IL4R: variants seen among roughly 807,000 people sequenced by gnomAD.
IL4R encodes the protein interleukin-4 receptor subunit alpha.
In IL4R, 17 loss-of-function variants were observed where a neutral mutation model predicts 41.5. The observed-to-expected ratio is 0.41, with a 90% confidence interval of 0.28 to 0.61. The LOEUF is 0.61. IL4R is among the 20% of genes least tolerant of loss of function. The pLI is 0.31. For synonymous variants in IL4R, 402 were observed against 422.9 expected (o/e 0.95, Z 0.61); for missense variants, 974 against 1,043.1 (o/e 0.93, Z 0.91).
chr16:27,318,661 T>G (rs1170172406), intron 1 of IL4R: 1 of 152,252 alleles, frequency 6.6e-6, no homozygotes, highest in Non-Finnish European at 1.5e-5. Context: ...CCTCACCTCT[T>G]CTCGTTTGCT....
At chr16:27,360,171 C>G (rs777570942) in intron 9 of IL4R, among the ~76,000 whole-genome samples, 65 of 152,212 alleles carry the variant, frequency 4.3e-4, no homozygotes, top group Non-Finnish European at 8.1e-4. Context: ...TGTGCCACCA[C>G]GCCAGGCTAA....
intron 1 of IL4R, among the ~76,000 whole-genome samples, chr16:27,319,857 T>A (rs766533955): frequency 6.6e-6 from 1 of 152,054 alleles, no homozygotes; most frequent in Non-Finnish European, 1.5e-5. Flanking sequence ...ATGTGAGGGA[T>A]CTGGGTTGCG....
rs1048483997 is a variant in IL4R at position 27,362,791 on chromosome 16, A to G, written c.1439A>G (p.Asp480Gly). The G allele has an allele frequency of 3.7e-6, 6 of 1,614,030 alleles. No homozygotes were observed. Among genetic ancestry groups the G allele is most frequent in the Non-Finnish European group, 5.1e-6 (6 of 1,180,022 alleles). The change falls in exon 11 of 11, where the codon GAC (aspartate) becomes GGC (glycine). Residue 480 changes from aspartate to glycine, a missense_variant. Asp to Gly is a moderately conservative substitution (Grantham distance 94, BLOSUM62 -1). Coordinates refer to ENST00000395762, the MANE Select transcript of IL4R (RefSeq NM_000418.4). ...CCTGCCAGCCCGACCCAGAGTCCAG[A>G]CAACCTGACTTGCACAGAGACGCCC... ...SPPASPTQSP[D>G]NLTCTETPLV...
chr16:27,363,587 CTGCTGCTGTGGA>C lies in IL4R; in HGVS notation c.2236_2247del (p.Cys746_Gly749del). 1 of 1,614,102 alleles carries C rather than the reference CTGCTGCTGTGGA, an allele frequency of 6.2e-7. No homozygotes were observed. Among genetic ancestry groups the C allele is most frequent in the Admixed American group, 1.7e-5 (1 of 60,032 alleles). On this transcript the variant is annotated inframe_deletion, in exon 11 of 11. Coordinates refer to ENST00000395762, the MANE Select transcript of IL4R (RefSeq NM_000418.4). ...CTGTCATGGCCAGTCCTTGCTGTGGCTGCTGCTGTGGAGACAGGTCCTCGCCCCCTACAACCC... is the reference window on the plus strand; with the variant it reads ...CTGTCATGGCCAGTCCTTGCTGTGGCGACAGGTCCTCGCCCCCTACAACCC...
At chr16:27,355,132 G>T (rs1396615226) in intron 7 of IL4R, 1 of 384,812 alleles carries the variant, frequency 2.6e-6, no homozygotes, top group Non-Finnish European at 5.7e-6. Flanking sequence ...CATTCTGGAG[G>T]GAGAGACAAA....
intron 1 of IL4R, among the ~76,000 whole-genome samples, chr16:27,327,120 G>A (rs138159467): frequency 1.7e-3 from 260 of 152,244 alleles, no homozygotes; most frequent in Middle Eastern, 6.8e-3. Flanking sequence ...AGTTTCAGGG[G>A]TCAGCGGCTC....
intron 1 of IL4R, among the ~76,000 whole-genome samples, chr16:27,325,810 G>A (rs1315277228): frequency 6.6e-6 from 1 of 152,032 alleles, no homozygotes; most frequent in Non-Finnish European, 1.5e-5. Context: ...CCTCTAGGAT[G>A]AGGGAGGGTC....
At chr16:27,347,341 C>T (rs941353375) in intron 6 of IL4R, among the ~76,000 whole-genome samples, 1 of 152,178 alleles carries the variant, frequency 6.6e-6, no homozygotes, top group Non-Finnish European at 1.5e-5. Context: ...CAGGCACCTG[C>T]CACCGTGCCC....
chr16:27,317,321 C>G (rs1273485511), intron 1 of IL4R, among the ~76,000 whole-genome samples: 1 of 152,166 alleles, frequency 6.6e-6, no homozygotes, highest in Non-Finnish European at 1.5e-5. Flanking sequence ...TGCCTCAGGT[C>G]CACATCTGAG....
At chr16:27,360,970 C>T in intron 10 of IL4R, 155 bp downstream of exon 10, 2 of 1,518,180 alleles carry the variant, frequency 1.3e-6, no homozygotes, top group Non-Finnish European at 1.8e-6. Context: ...GAGGGGTGTT[C>T]TGGAAACGTG....
chr16:27,360,918 G>T, intron 10 of IL4R, 103 bp downstream of exon 10: 3 of 1,606,848 alleles, frequency 1.9e-6, no homozygotes, highest in Non-Finnish European at 2.6e-6. Context: ...CCCTGCATTC[G>T]GTAATTGCCC....
intron 9 of IL4R, among the ~76,000 whole-genome samples, 163 bp from the exon 10 acceptor site, chr16:27,360,603 A>G (rs2086248206): frequency 6.6e-6 from 1 of 152,316 alleles, no homozygotes; most frequent in Middle Eastern, 3.4e-3. Flanking sequence ...TATTAGGACA[A>G]TGTAATTAAT....
intron 6 of IL4R, among the ~76,000 whole-genome samples, chr16:27,347,194 G>A (rs987178895): frequency 1.3e-5 from 2 of 152,022 alleles, no homozygotes; most frequent in Non-Finnish European, 1.5e-5. Flanking sequence ...TGGAGTTTTT[G>A]TTGTTGTTTG....
rs1413086510 is a variant in IL4R, at chr16:27,363,091, A to C, written c.1739A>C (p.His580Pro). The change falls in exon 11 of 11, where the codon CAT becomes CCT. Residue 580 changes from histidine to proline, a missense_variant. Coordinates refer to ENST00000395762, the MANE Select transcript of IL4R (RefSeq NM_000418.4). ...ACCAGTGGCTATCAGGAGTTTGTACATGCGGTGGAGCAGGGTGGCACCCAG... is the reference window on the plus strand; with the variant it reads ...ACCAGTGGCTATCAGGAGTTTGTACCTGCGGTGGAGCAGGGTGGCACCCAG... ...APTSGYQEFV[H>P]AVEQGGTQAS... The C allele has an allele frequency of 4.3e-6, 7 of 1,613,980 alleles. No individual in the cohort carries two copies. Among genetic ancestry groups the C allele is most frequent in the Non-Finnish European group, 5.9e-6 (7 of 1,180,042 alleles).
intron 10 of IL4R, 151 bp from the exon 11 acceptor site, chr16:27,362,101 C>T: frequency 1.3e-6 from 1 of 797,090 alleles, no homozygotes; most frequent in South Asian, 1.7e-5. Context: ...ATTCTAGCAA[C>T]ATAGACTGAT....
chr16:27,324,808 G>T (rs117388685), intron 1 of IL4R, among the ~76,000 whole-genome samples: 8 of 152,180 alleles, frequency 5.3e-5, no homozygotes, highest in African/African-American at 1.9e-4. Flanking sequence ...GCCGGAGCGC[G>T]TGGTCTTCCC....
rs2234896 is a variant in IL4R at position 27,358,967 on chromosome 16, C to T, written c.822C>T (p.Leu274=). 19 of 1,613,826 alleles carry T rather than the reference C, an allele frequency of 1.2e-5. No homozygotes were observed. The highest frequency in any genetic ancestry group is 2.7e-5 in the African/African-American group (2 of 75,040). Residue 274 remains leucine, a synonymous_variant, in exon 9 of 11, where the codon CTC becomes CTT. Coordinates refer to ENST00000395762, the MANE Select transcript of IL4R (RefSeq NM_000418.4). ...DQIPNPARSR[L]VAIIIQDAQG... The stretch of plus-strand genomic sequence containing the variant: ...TTCCCAACCCAGCCCGCAGCCGCCT[C>T]GTGGCTATAATAATCCAGGATGCTC...
intron 8 of IL4R, among the ~76,000 whole-genome samples, chr16:27,356,327 A>T (rs906914527): frequency 2.6e-5 from 4 of 151,988 alleles, no homozygotes; most frequent in African/African-American, 9.7e-5. Flanking sequence ...TCCTGACCTC[A>T]TGATCTGCCT....
intron 1 of IL4R, among the ~76,000 whole-genome samples, chr16:27,326,363 G>A (rs1479988631): frequency 6.6e-6 from 1 of 152,194 alleles, no homozygotes; most frequent in African/African-American, 2.4e-5. Flanking sequence ...GGAGATGGCT[G>A]GACACGGCAG....
Sources: allele counts gnomAD v4.1 joint callset (sites outside exome capture counted in the v4.1 genomes callset), GRCh38; gene constraint gnomAD v4.1.1; transcripts MANE v1.5; gene names NCBI Gene and HGNC (gene_info 2026-07-23, HGNC 2026-07-21).